SORCS2: variants seen among roughly 807,000 people sequenced by gnomAD.
SORCS2 encodes VPS10 domain-containing receptor SorCS2.
In SORCS2, 100 loss-of-function variants were observed where a neutral mutation model predicts 141.6. The ratio of observed to expected loss-of-function variants is 0.71; its 90% CI spans 0.60 to 0.83. The LOEUF is 0.83. SORCS2 is among the 40% of genes least tolerant of loss of function. The probability of loss-of-function intolerance (pLI) is 0.00; values close to 1 mark genes in which losing one functional copy is unlikely to be tolerated. For missense variants in SORCS2, 1,646 were observed against 1,560.2 expected (o/e 1.05, Z -0.93); for synonymous variants, 789 against 676.9 (o/e 1.17, Z -2.57).
Position 7,467,614 on chromosome 4 carries a change from A to G in SORCS2, c.549-63916A>G, listed in dbSNP as rs144264598. 2.7e-3 allele frequency among the ~76,000 whole-genome samples: 404 copies of G among 152,320 alleles called. 3 individuals carry two copies. Among genetic ancestry groups the G allele is most frequent in the African/African-American group, 9.1e-3 (377 of 41,584 alleles). On this transcript the variant is annotated intron_variant, in intron 2 of 26. Transcript: ENST00000507866. ...CTGCTCACAGCTCAGCGGGGCCTGC[A>G]CTAAGCTTCAGAGGCCTCCTGAATC...
At chr4:7,434,596 C>T in intron 2 of SORCS2, 1 of 1,613,472 alleles carries the variant, frequency 6.2e-7, no homozygotes, top group East Asian at 2.2e-5. Context: ...GAGCCACTCA[C>T]AGGTCTTCAT....
chr4:7,228,414 G>A (rs1193312141), intron 1 of SORCS2, among the ~76,000 whole-genome samples: 1 of 152,208 alleles, frequency 6.6e-6, no homozygotes, highest in Non-Finnish European at 1.5e-5. Flanking sequence ...GGTGCTGTGG[G>A]GAGGCCTAGA....
chr4:7,484,878 A>C (rs916699265), intron 2 of SORCS2, among the ~76,000 whole-genome samples: 25 of 151,640 alleles, frequency 1.6e-4, no homozygotes, highest in Non-Finnish European at 2.9e-4. Context: ...TGTCTCCTGC[A>C]TCCAGCCCAC....
chr4:7,374,111 CTT>C (rs1311695618), intron 1 of SORCS2, among the ~76,000 whole-genome samples: 1 of 35,848 alleles, frequency 2.8e-5, no homozygotes, highest in African/African-American at 1.3e-4. Flanking sequence ...GATTGAGATT[CTT>C]TCTTTCTTTC....
At chr4:7,505,635 C>G (rs796713719) in intron 2 of SORCS2, among the ~76,000 whole-genome samples, 37 of 152,188 alleles carry the variant, frequency 2.4e-4, no homozygotes, top group African/African-American at 8.4e-4. Flanking sequence ...CAGTGCACAC[C>G]CAGGGCCTGG....
At chr4:7,366,237 G>A (rs552307784) in intron 1 of SORCS2, among the ~76,000 whole-genome samples, 3 of 150,932 alleles carry the variant, frequency 2.0e-5, no homozygotes, top group South Asian at 2.1e-4. Context: ...CCTCCCTTCC[G>A]TCCTTCCCTT....
At chr4:7,385,742 G>T (rs1723255929) in intron 1 of SORCS2, among the ~76,000 whole-genome samples, 1 of 152,194 alleles carries the variant, frequency 6.6e-6, no homozygotes, top group South Asian at 2.1e-4. Context: ...CTGCCTCGGG[G>T]GTATAACACT....
chr4:7,252,945 A>T (rs571463928), intron 1 of SORCS2, among the ~76,000 whole-genome samples: 1 of 152,242 alleles, frequency 6.6e-6, no homozygotes, highest in African/African-American at 2.4e-5. Flanking sequence ...TGTTCCCCAG[A>T]TGGAGCCTCA....
rs578109851 is a variant in SORCS2, at chr4:7,286,659, TGA to T, written c.480+93541_480+93542del. Reference sequence around the variant, plus strand: ...AGGGAGGTGCTCATGGTTGCAAGGGTGAGAGAGAGCTGGGACTCGACTCTGGG... The same window carrying T: ...AGGGAGGTGCTCATGGTTGCAAGGGTGAGAGAGCTGGGACTCGACTCTGGG... On this transcript the variant is annotated intron_variant, in intron 1 of 26. Coordinates refer to ENST00000507866, the MANE Select transcript of SORCS2 (RefSeq NM_020777.3). The surrounding 1 kb of genome is among the most constrained non-coding windows in gnomAD (Gnocchi z 4.1). 1.6e-3 allele frequency among the ~76,000 whole-genome samples: 237 copies of T among 152,060 alleles called. No individual in the cohort carries two copies. The highest frequency in any genetic ancestry group is 5.5e-3 in the African/African-American group (230 of 41,470).
At position 7,505,010 on chromosome 4, in the gene SORCS2, T is replaced by C. The variant is rs563011884; in HGVS notation, c.549-26520T>C. 7.4e-4 allele frequency among the ~76,000 whole-genome samples: 112 copies of C among 152,248 alleles called. 2 individuals are homozygous for C. The South Asian group carries it at 0.013, about 18-fold the overall frequency. On this transcript the variant is annotated intron_variant, in intron 2 of 26. Coordinates refer to ENST00000507866, the MANE Select transcript of SORCS2 (RefSeq NM_020777.3). The stretch of plus-strand genomic sequence containing the variant: ...GGGGACCGAACCCTCCACCTCCTCC[T>C]GGTAAACCAAAGTCAATAGGGGTGA...
intron 1 of SORCS2, among the ~76,000 whole-genome samples, chr4:7,393,485 T>C (rs985176859): frequency 6.6e-6 from 1 of 152,242 alleles, no homozygotes; most frequent in African/African-American, 2.4e-5. Context: ...GCTTTCAGTG[T>C]GGCAGTGAAG....
intron 1 of SORCS2, among the ~76,000 whole-genome samples, chr4:7,389,173 C>T (rs753638096): frequency 5.3e-5 from 8 of 152,200 alleles, no homozygotes; most frequent in Non-Finnish European, 8.8e-5. Context: ...CAGTCCCTGG[C>T]AGTGGAGCTT....
chr4:7,206,253 C>T (rs1201695940), intron 1 of SORCS2, among the ~76,000 whole-genome samples: 1 of 152,068 alleles, frequency 6.6e-6, no homozygotes, highest in Non-Finnish European at 1.5e-5. Flanking sequence ...GGTATGGACT[C>T]CAGGGGCTCA....
At chr4:7,706,884 C>G (rs1725505079) in intron 14 of SORCS2, among the ~76,000 whole-genome samples, 1 of 152,174 alleles carries the variant, frequency 6.6e-6, no homozygotes, top group African/African-American at 2.4e-5. Context: ...GGAGGTTGGG[C>G]AGACGCAACC....
At chr4:7,373,479 T>TATAA (rs60434529) in intron 1 of SORCS2, among the ~76,000 whole-genome samples, 5 of 15,522 alleles carry the variant, frequency 3.2e-4, no homozygotes, top group African/African-American at 8.0e-4. Context: ...TATATATATA[T>TATAA]TTTTTTTTTT....
intron 23 of SORCS2, among the ~76,000 whole-genome samples, chr4:7,731,819 A>C (rs1711711176): frequency 6.6e-6 from 1 of 152,258 alleles, no homozygotes; most frequent in Admixed American, 6.5e-5. Context: ...GAGTGGATTA[A>C]AGACAAACGT....
intron 1 of SORCS2, among the ~76,000 whole-genome samples, chr4:7,236,490 G>C (rs774590994): frequency 6.6e-6 from 1 of 152,296 alleles, no homozygotes; most frequent in African/African-American, 2.4e-5. Context: ...TGATGGCGTA[G>C]GTGAGGGGCA....
chr4:7,323,533 C>T (rs1719040958), intron 1 of SORCS2, among the ~76,000 whole-genome samples: 1 of 152,120 alleles, frequency 6.6e-6, no homozygotes, highest in African/African-American at 2.4e-5. Flanking sequence ...ACCAGGAGGG[C>T]TGGGAGGATG....
chr4:7,573,780 C>G (rs953811289), intron 3 of SORCS2, among the ~76,000 whole-genome samples: 1 of 152,232 alleles, frequency 6.6e-6, no homozygotes, highest in African/African-American at 2.4e-5. Flanking sequence ...AGGCTACTCC[C>G]CTTTGTGCAT....
Sources: allele counts gnomAD v4.1 joint callset (sites outside exome capture counted in the v4.1 genomes callset), GRCh38; gene constraint gnomAD v4.1.1; non-coding constraint Gnocchi (gnomAD v3.1); transcripts MANE v1.5; gene names NCBI Gene and HGNC (gene_info 2026-07-23, HGNC 2026-07-21).